CNTFR: variants seen among roughly 807,000 people sequenced by gnomAD.
CNTFR encodes the protein ciliary neurotrophic factor receptor, also known as ciliary neurotrophic factor receptor subunit alpha.
CNTFR carries 12 observed loss-of-function variants against 40.4 expected under a neutral mutation model. The ratio of observed to expected loss-of-function variants is 0.30; its 90% CI spans 0.19 to 0.48. CNTFR has a LOEUF of 0.48. Among genes scored for constraint, CNTFR ranks in the 20% least tolerant of loss-of-function variants. CNTFR has a pLI of 0.99. For missense variants in CNTFR, 414 were observed against 506.8 expected, an observed-to-expected ratio of 0.82 and a Z score of 1.76; for synonymous variants, 202 against 209.6, an observed-to-expected ratio of 0.96 and a Z score of 0.31.
chr9:34,584,087 T>C (rs1263412203), intron 1 of CNTFR, among the ~76,000 whole-genome samples: 1 of 152,166 alleles, frequency 6.6e-6, no homozygotes, highest in African/African-American at 2.4e-5. Context: ...AAAGGGTAGT[T>C]GGGAACACTT....
intron 3 of CNTFR, among the ~76,000 whole-genome samples, chr9:34,567,856 T>G (rs1371071985): frequency 6.6e-6 from 1 of 152,164 alleles, no homozygotes; most frequent in Non-Finnish European, 1.5e-5. Context: ...GAGGTGGCCT[T>G]ATGTCCAGGA....
chr9:34,573,850 G>C (rs1451354280), intron 2 of CNTFR, among the ~76,000 whole-genome samples: 1 of 152,248 alleles, frequency 6.6e-6, no homozygotes, highest in African/African-American at 2.4e-5. Flanking sequence ...CAGACCTGCA[G>C]AGGAATTAGG....
At chr9:34,566,783 C>T (rs1438236321) in intron 3 of CNTFR, among the ~76,000 whole-genome samples, 1 of 152,112 alleles carries the variant, frequency 6.6e-6, no homozygotes. Flanking sequence ...ACGGCCACCA[C>T]ACGAGGACAC....
intron 1 of CNTFR, among the ~76,000 whole-genome samples, chr9:34,586,280 A>G (rs966848858): frequency 1.3e-5 from 2 of 152,198 alleles, no homozygotes; most frequent in Admixed American, 6.5e-5. Flanking sequence ...ATAAGGGCTC[A>G]ACAGGCAATC....
rs567454548 is a variant in CNTFR, at chr9:34,585,752, T to G, written c.-112+3803A>C. The stretch of plus-strand genomic sequence containing the variant: ...CCAGGGCCACAGGAGTTTACAAAGC[T>G]GAGGTCTCCCCCACTACCCCCACCC... On this transcript the variant is annotated intron_variant, in intron 1 of 9. Transcript: ENST00000378980. 3.3e-5 allele frequency among the ~76,000 whole-genome samples: 5 copies of G among 152,260 alleles called. No homozygotes were observed. In the East Asian group the frequency reaches 9.7e-4, roughly 29 times the overall value.
At chr9:34,563,591 G>C (rs1481106903) in intron 4 of CNTFR, among the ~76,000 whole-genome samples, 1 of 152,174 alleles carries the variant, frequency 6.6e-6, no homozygotes, top group Non-Finnish European at 1.5e-5. Flanking sequence ...TTCTCATCTT[G>C]GGATCTGATT....
intron 1 of CNTFR, among the ~76,000 whole-genome samples, chr9:34,584,452 C>A (rs901370166): frequency 6.6e-6 from 1 of 152,216 alleles, no homozygotes; most frequent in African/African-American, 2.4e-5. Flanking sequence ...GCAGCCACTG[C>A]CACACTGGCC....
In CNTFR at chr9:34,565,212, G is replaced by C. The variant is rs12554423; in HGVS notation, c.86-380C>G. Reference sequence around the variant, plus strand: ...TAAAGTTTCCTGACCCCCATGACCCGGATCTCTTGCCACCCACAGGCCCAG... The same window carrying C: ...TAAAGTTTCCTGACCCCCATGACCCCGATCTCTTGCCACCCACAGGCCCAG... On this transcript the variant is annotated intron_variant, in intron 3 of 9. Transcript: ENST00000378980. 6.4e-3 allele frequency among the ~76,000 whole-genome samples: 971 copies of C among 152,012 alleles called. 9 individuals carry two copies. Among genetic ancestry groups the C allele is most frequent in the African/African-American group, 0.022 (919 of 41,446 alleles).
chr9:34,582,114 A>C (rs1827320564), intron 1 of CNTFR, among the ~76,000 whole-genome samples: 1 of 151,922 alleles, frequency 6.6e-6, no homozygotes, highest in South Asian at 2.1e-4. Flanking sequence ...TCTCTACCAA[A>C]AATACAAAAA....
chr9:34,551,765 C>T lies in CNTFR; in HGVS notation c.*306G>A, dbSNP rs1305275276. On this transcript the variant is annotated 3_prime_UTR_variant, in exon 10 of 10. Coordinates refer to ENST00000378980, the MANE Select transcript of CNTFR (RefSeq NM_147164.3). ...CGGATGTGAGAGGCTCCCCTCACGT[C>T]CCCCAAGGGCTCCTGGGAGTCGCTG... is the stretch of plus-strand genomic sequence containing the variant. 5.2e-6 allele frequency: 3 copies of T among 573,878 alleles called. No individual in the cohort carries two copies. Among genetic ancestry groups the T allele is most frequent in the Non-Finnish European group, 9.3e-6 (3 of 321,002 alleles). The allele number at this position is 573,878 out of a possible 1,614,324, so 35.5% of individuals were successfully genotyped here. A position where few individuals can be genotyped will look rare whatever the true frequency, so the allele number is the denominator to read the frequency against.
At chr9:34,566,273 C>T (rs1041834266) in intron 3 of CNTFR, among the ~76,000 whole-genome samples, 4 of 152,174 alleles carry the variant, frequency 2.6e-5, no homozygotes, top group South Asian at 2.1e-4. Flanking sequence ...CTCTCTCCCT[C>T]GCTGCCTATC....
Position 34,552,523 on chromosome 9 carries a change from G to C in CNTFR, c.949+151C>G. On this transcript the variant is annotated intron_variant, in intron 8 of 9. Coordinates refer to ENST00000378980, the MANE Select transcript of CNTFR (RefSeq NM_147164.3). The surrounding 1 kb of genome is among the most constrained non-coding windows in gnomAD (Gnocchi z 5.1). ...CTACCAAGGATGTCCAGATAGCAAG[G>C]ACCAGGAATGGCAGGAGTTGGACAG... The C allele has an allele frequency of 9.8e-7, 1 of 1,022,076 alleles. No individual in the cohort carries two copies. The highest frequency in any genetic ancestry group is 1.7e-5 in the South Asian group (1 of 60,214). 63.3% of individuals were successfully genotyped at this position (1,022,076 alleles called of 1,614,324 possible). A position where few individuals can be genotyped will look rare whatever the true frequency, so the allele number is the denominator to read the frequency against.
intron 2 of CNTFR, among the ~76,000 whole-genome samples, chr9:34,573,032 G>T (rs568690553): frequency 6.6e-6 from 1 of 152,256 alleles, no homozygotes; most frequent in East Asian, 1.9e-4. Flanking sequence ...AGCCGCCGTC[G>T]GTAACAAACA....
chr9:34,565,754 G>T (rs1033245495), intron 3 of CNTFR, among the ~76,000 whole-genome samples: 2 of 152,198 alleles, frequency 1.3e-5, no homozygotes, highest in Admixed American at 6.5e-5. Context: ...CAGGCAGCAC[G>T]AAGTGGGGGA....
chr9:34,567,619 A>C (rs768687383), intron 3 of CNTFR, among the ~76,000 whole-genome samples: 1 of 152,206 alleles, frequency 6.6e-6, no homozygotes. Flanking sequence ...ACAGGGAGAC[A>C]GTTTAATACA....
rs900237281 is a variant in CNTFR, at chr9:34,552,594, C to T, written c.949+80G>A. 1.4e-6 allele frequency: 2 copies of T among 1,425,480 alleles called. No individual in the cohort carries two copies. The highest frequency in any genetic ancestry group is 1.9e-6 in the Non-Finnish European group (2 of 1,060,342). 88.3% of individuals were successfully genotyped at this position (1,425,480 alleles called of 1,614,324 possible). On this transcript the variant is annotated intron_variant, in intron 8 of 9. Transcript: ENST00000378980. This position sits in a 1 kb window ranked among gnomAD's most constrained non-coding sequence, Gnocchi z 5.1. ...CCCCGGGAGCAGAGGCTGGAGGCAGCAGGGTAGAACCAGGCCACAGGTTCT... is the reference window on the plus strand; with the variant it reads ...CCCCGGGAGCAGAGGCTGGAGGCAGTAGGGTAGAACCAGGCCACAGGTTCT...
chr9:34,564,950 G>T (rs1826222360), intron 3 of CNTFR, 118 bp from the exon 4 acceptor site: 2 of 784,850 alleles, frequency 2.5e-6, no homozygotes, highest in Admixed American at 2.1e-5. Flanking sequence ...GAGAGGCTCG[G>T]TGTCTGTGTG....
rs946954831 is a variant in CNTFR, at chr9:34,568,789, C to T, written c.85+108G>A. The T allele has an allele frequency of 7.1e-6, 7 of 982,728 alleles. No individual in the cohort carries two copies. The South Asian group carries it at 1.0e-4, about 15-fold the overall frequency. 60.9% of individuals were successfully genotyped at this position (982,728 alleles called of 1,614,324 possible). A position where few individuals can be genotyped will look rare whatever the true frequency, so the allele number is the denominator to read the frequency against. On this transcript the variant is annotated intron_variant, in intron 3 of 9. Transcript: ENST00000378980. ...TGTCCCTCTGGGTGGTCATGTGTGA[C>T]AATGCCAGTGTGTGACTCTTGGGTA...
Position 34,557,798 on chromosome 9 carries a change from G to A in CNTFR, c.437+69C>T. On this transcript the variant is annotated intron_variant, in intron 5 of 9. Coordinates refer to ENST00000378980, the MANE Select transcript of CNTFR (RefSeq NM_147164.3). The surrounding 1 kb of genome is among the most constrained non-coding windows in gnomAD (Gnocchi z 4.2). Reference sequence around the variant, plus strand: ...GGCAGGGCTGGGGTATGGACAGAGGGCATGGTGGTGGGATGGGGGAGAGGT... The same window carrying A: ...GGCAGGGCTGGGGTATGGACAGAGGACATGGTGGTGGGATGGGGGAGAGGT... The A allele has an allele frequency of 6.5e-7, 1 of 1,547,134 alleles. No homozygotes were observed. Among genetic ancestry groups the A allele is most frequent in the Non-Finnish European group, 8.9e-7 (1 of 1,129,256 alleles).
Sources: gnomAD v4.1 joint callset for allele counts (sites outside exome capture counted in the v4.1 genomes callset) on GRCh38, gnomAD v4.1.1 for gene constraint, Gnocchi (gnomAD v3.1) non-coding constraint, MANE v1.5 for transcripts, NCBI Gene and HGNC (gene_info 2026-07-23, HGNC 2026-07-21) for gene names.